The following DNAI4 variants were observed in gnomAD, a reference collection of about 807,000 sequenced individuals.
The protein encoded by DNAI4 is WD repeat domain 78.
In DNAI4, 85 loss-of-function variants were observed where a neutral mutation model predicts 105.8. The observed-to-expected ratio is 0.80, with a 90% confidence interval of 0.67 to 0.96. DNAI4 has a LOEUF of 0.96. Among genes scored for constraint, DNAI4 ranks in the 40% least tolerant of loss-of-function variants. DNAI4 has a pLI of 0.00. For missense variants in DNAI4, 1,014 were observed against 1,005.6 expected (o/e 1.01, Z -0.11); for synonymous variants, 352 against 331.5 (o/e 1.06, Z -0.67).
intron 4 of DNAI4, among the ~76,000 whole-genome samples, chr1:66,883,821 C>A (rs1314263331): frequency 6.6e-6 from 1 of 152,136 alleles, no homozygotes; most frequent in Non-Finnish European, 1.5e-5. Context: ...TCCATCACCT[C>A]AAATACTCAA....
At chr1:66,814,817 T>C (rs1026482845) in intron 16 of DNAI4, among the ~76,000 whole-genome samples, 1 of 152,216 alleles carries the variant, frequency 6.6e-6, no homozygotes, top group Non-Finnish European at 1.5e-5. Flanking sequence ...TTAAATTCTT[T>C]CCTGATCTAT....
chr1:66,842,552 G>A (rs993745426), intron 8 of DNAI4, among the ~76,000 whole-genome samples: 7 of 151,782 alleles, frequency 4.6e-5, no homozygotes, highest in South Asian at 2.1e-4. Flanking sequence ...CACCATACTC[G>A]GCTAAATTTT....
At chr1:66,835,550 C>G in intron 11 of DNAI4, 76 bp downstream of exon 11, 1 of 1,460,484 alleles carries the variant, frequency 6.8e-7, no homozygotes, top group Non-Finnish European at 9.4e-7. Context: ...AATATTTACT[C>G]AAAACTAAAT....
chr1:66,902,199 A>G (rs1331557571), intron 2 of DNAI4, among the ~76,000 whole-genome samples: 3 of 152,134 alleles, frequency 2.0e-5, no homozygotes, highest in Non-Finnish European at 2.9e-5. Context: ...AAGGGTTTCA[A>G]TTCCTCCATG....
chr1:66,911,814 C>T (rs1451467765), intron 1 of DNAI4, among the ~76,000 whole-genome samples: 1 of 134,542 alleles, frequency 7.4e-6, no homozygotes, highest in African/African-American at 2.9e-5. Context: ...CCATTCTATT[C>T]AAAGTCATCC....
At chr1:66,919,443 A>G (rs1650303171) in intron 1 of DNAI4, among the ~76,000 whole-genome samples, 1 of 152,224 alleles carries the variant, frequency 6.6e-6, no homozygotes, top group African/African-American at 2.4e-5. Flanking sequence ...ATCACAACCT[A>G]CTGGGAGCAG....
Position 66,876,454 on chromosome 1 carries a change from T to C in DNAI4, c.644-1517A>G, listed in dbSNP as rs375241572. Among the ~76,000 whole-genome samples, 70 of 152,262 alleles carry C rather than the reference T, an allele frequency of 4.6e-4. No homozygotes were observed. In the East Asian group the frequency reaches 4.8e-3, roughly 10 times the overall value. On this transcript the variant is annotated intron_variant, in intron 4 of 16. Transcript: ENST00000371026. ...GATCTTATATTAGATAAATTACATA[T>C]ATAGAACCTAATATGGTAACATCTC...
At chr1:66,906,662 T>C (rs1649273266) in intron 1 of DNAI4, among the ~76,000 whole-genome samples, 1 of 152,180 alleles carries the variant, frequency 6.6e-6, no homozygotes, top group Non-Finnish European at 1.5e-5. Context: ...ACTTAATAAA[T>C]ATTTTTAAAA....
chr1:66,883,056 G>A (rs1289133778), intron 4 of DNAI4, among the ~76,000 whole-genome samples: 1 of 151,502 alleles, frequency 6.6e-6, no homozygotes, highest in African/African-American at 2.4e-5. Context: ...TGTTGTTGTA[G>A]TTTAATTTCA....
At chr1:66,898,003 C>A (rs188082027) in intron 2 of DNAI4, among the ~76,000 whole-genome samples, 5 of 152,142 alleles carry the variant, frequency 3.3e-5, no homozygotes, top group African/African-American at 1.2e-4. Context: ...CTGACCCCAG[C>A]AAAGTCACAG....
intron 4 of DNAI4, among the ~76,000 whole-genome samples, chr1:66,880,493 GT>G (rs1557952316): frequency 6.6e-6 from 1 of 152,210 alleles, no homozygotes; most frequent in African/African-American, 2.4e-5. Flanking sequence ...TGGAGCAAAG[GT>G]GACTCTTGTT....
chr1:66,919,248 T>C (rs752431174), intron 1 of DNAI4: 6 of 252,744 alleles, frequency 2.4e-5, no homozygotes, highest in Admixed American at 2.0e-4. Flanking sequence ...GAGACCTGTC[T>C]CAAATTCTCA....
At chr1:66,859,448 T>C (rs558475515) in intron 7 of DNAI4, among the ~76,000 whole-genome samples, 64 of 152,276 alleles carry the variant, frequency 4.2e-4, no homozygotes, top group African/African-American at 1.5e-3. Context: ...GGCTCCTAGA[T>C]ATTGACTCAG....
chr1:66,876,457 A>G (rs1646960969), intron 4 of DNAI4, among the ~76,000 whole-genome samples: 1 of 152,298 alleles, frequency 6.6e-6, no homozygotes, highest in African/African-American at 2.4e-5. Flanking sequence ...TTACATATAT[A>G]GAACCTAATA....
chr1:66,841,629 C>T (rs11807684), intron 8 of DNAI4, among the ~76,000 whole-genome samples: 33,586 of 151,960 alleles, frequency 0.22, 4,172 homozygotes, highest in East Asian at 0.55. Flanking sequence ...TCTCAGCCTC[C>T]CAAAGTGCTG....
At position 66,893,299 on chromosome 1, in the gene DNAI4, A is replaced by G; in HGVS notation, c.460T>C (p.Ser154Pro). 6.2e-7 allele frequency: 1 copy of G among 1,610,820 alleles called. No homozygotes were observed. Among genetic ancestry groups the G allele is most frequent in the Non-Finnish European group, 8.5e-7 (1 of 1,178,376 alleles). ...AGGCTATAGGAAGATATAAATTCTG[A>G]TCCAAGTGATCCTTCTTGTGATGTC... ...LLTSQEGSLGSEFISSYSLYQ... is the reference protein window; with the variant it reads ...LLTSQEGSLGPEFISSYSLYQ... Residue 154 changes from serine to proline, a missense_variant, in exon 3 of 17, where the codon TCA (serine) becomes CCA (proline). Coordinates refer to ENST00000371026, the MANE Select transcript of DNAI4 (RefSeq NM_024763.5).
In DNAI4 at chr1:66,837,869, A is replaced by G; in HGVS notation, c.1495-73T>C. The G allele has an allele frequency of 6.7e-6, 9 of 1,341,480 alleles. No homozygotes were observed. The South Asian group carries it at 1.2e-4, about 18-fold the overall frequency. The allele number at this position is 1,341,480 out of a possible 1,614,324, so 83.1% of individuals were successfully genotyped here. A position where few individuals can be genotyped will look rare whatever the true frequency, so the allele number is the denominator to read the frequency against. On this transcript the variant is annotated intron_variant, in intron 9 of 16. Transcript: ENST00000371026. ...AATATTGGTAAATGTATAAAGATATATATTAATGAGCTGTGTTAAAAATAG... is the reference window on the plus strand; with the variant it reads ...AATATTGGTAAATGTATAAAGATATGTATTAATGAGCTGTGTTAAAAATAG...
chr1:66,863,306 T>C lies in DNAI4; in HGVS notation c.941-1004A>G, dbSNP rs1007613515. ...GATGGTGATTTAATAAATAATTTTT[T>C]TCCTTAAAAATCAAAACAGAATGTG... On this transcript the variant is annotated intron_variant, in intron 6 of 16. Coordinates refer to ENST00000371026, the MANE Select transcript of DNAI4 (RefSeq NM_024763.5). Among the ~76,000 whole-genome samples, 3 of 152,352 alleles carry C rather than the reference T, an allele frequency of 2.0e-5. No individual in the cohort carries two copies. In the South Asian group the frequency reaches 6.2e-4, roughly 32 times the overall value.
intron 7 of DNAI4, among the ~76,000 whole-genome samples, chr1:66,859,511 C>A (rs1014796966): frequency 6.6e-6 from 1 of 152,000 alleles, no homozygotes; most frequent in African/African-American, 2.4e-5. Flanking sequence ...TGTTTATAAC[C>A]GTTTTATTCG....
Sources: allele counts gnomAD v4.1 joint callset (sites outside exome capture counted in the v4.1 genomes callset), GRCh38; gene constraint gnomAD v4.1.1; transcripts MANE v1.5; gene names NCBI Gene and HGNC (gene_info 2026-07-23, HGNC 2026-07-21).